TSGA10: variants seen among roughly 807,000 people sequenced by gnomAD.
TSGA10 encodes the protein testis-specific gene 10 protein.
TSGA10 carries 43 observed loss-of-function variants against 96.6 expected under a neutral mutation model. That is an observed-to-expected ratio of 0.44 (90% CI 0.35 to 0.57). The LOEUF (loss-of-function observed/expected upper bound fraction) is 0.57, where lower values mean the gene tolerates loss of function less well. Among genes scored for constraint, TSGA10 ranks in the 20% least tolerant of loss-of-function variants. The probability of loss-of-function intolerance (pLI) is 0.01; values close to 1 mark genes in which losing one functional copy is unlikely to be tolerated. For synonymous variants in TSGA10, 229 were observed against 269.9 expected (o/e 0.85, Z 1.48); for missense variants, 703 against 834.4 (o/e 0.84, Z 1.94).
intron 1 of TSGA10, chr2:99,154,423 A>T (rs1249131174): frequency 6.5e-6 from 1 of 152,758 alleles, no homozygotes; most frequent in Non-Finnish European, 1.5e-5. Context: ...ATCCTGTATT[A>T]TCATCTGCGA....
chr2:99,010,294 G>T (rs2078896124), intron 20 of TSGA10, among the ~76,000 whole-genome samples: 1 of 152,160 alleles, frequency 6.6e-6, no homozygotes, highest in Non-Finnish European at 1.5e-5. Context: ...GACTCATATT[G>T]TGATCTTTTG....
chr2:99,144,485 G>A (rs2093611554), intron 1 of TSGA10, among the ~76,000 whole-genome samples: 1 of 151,174 alleles, frequency 6.6e-6, no homozygotes, highest in Non-Finnish European at 1.5e-5. Flanking sequence ...TGTGTTTTGT[G>A]TTTTGATGCT....
At chr2:99,145,468 G>C (rs1415196686) in intron 1 of TSGA10, among the ~76,000 whole-genome samples, 4 of 151,428 alleles carry the variant, frequency 2.6e-5, no homozygotes, top group African/African-American at 4.9e-5. Context: ...TGAGGCACGA[G>C]AATCACTTGA....
At chr2:99,108,030 C>G (rs1368133327) in intron 7 of TSGA10, among the ~76,000 whole-genome samples, 2 of 152,148 alleles carry the variant, frequency 1.3e-5, no homozygotes, top group Non-Finnish European at 2.9e-5. Flanking sequence ...TAGCCCCTTT[C>G]AGGGTAATAG....
rs917277193 is a variant in TSGA10 at position 99,118,656 on chromosome 2, G to C, written c.-461C>G. 1.3e-5 allele frequency: 13 copies of C among 984,254 alleles called. No individual in the cohort carries two copies. The African/African-American group carries it at 2.3e-4, about 17-fold the overall frequency. The allele number at this position is 984,254 out of a possible 1,614,324, so 61.0% of individuals were successfully genotyped here. A position where few individuals can be genotyped will look rare whatever the true frequency, so the allele number is the denominator to read the frequency against. ...CAAACCATCAATGGATGAAGAAAAG[G>C]GCCTTTTCTATCACAAAGGTATCCA... On this transcript the variant is annotated 5_prime_UTR_variant, in exon 3 of 21. Transcript: ENST00000393483.
At chr2:99,111,543 T>C (rs1559051917) in intron 4 of TSGA10, among the ~76,000 whole-genome samples, 1 of 152,274 alleles carries the variant, frequency 6.6e-6, no homozygotes, top group East Asian at 1.9e-4. Flanking sequence ...CTAAACTGCA[T>C]CCTGATCTTG....
intron 16 of TSGA10, among the ~76,000 whole-genome samples, chr2:99,037,137 C>T (rs2081702935): frequency 6.6e-6 from 1 of 152,282 alleles, no homozygotes; most frequent in Admixed American, 6.5e-5. Context: ...ACAGCGTTAT[C>T]AATCAATTGG....
chr2:99,061,170 T>C (rs192749680), intron 16 of TSGA10, among the ~76,000 whole-genome samples: 18 of 152,246 alleles, frequency 1.2e-4, no homozygotes, highest in Admixed American at 8.5e-4. Flanking sequence ...TCAAAAAATA[T>C]CTACAATTTA....
intron 12 of TSGA10, among the ~76,000 whole-genome samples, chr2:99,073,546 T>C (rs1361439285): frequency 3.3e-5 from 5 of 152,218 alleles, no homozygotes; most frequent in Non-Finnish European, 7.3e-5. Flanking sequence ...AAGTGTATTA[T>C]TTATATTAGC....
intron 20 of TSGA10, among the ~76,000 whole-genome samples, chr2:99,001,771 C>G (rs1256338499): frequency 6.6e-6 from 1 of 152,130 alleles, no homozygotes; most frequent in African/African-American, 2.4e-5. Context: ...CTAGAATAAA[C>G]AGCATAGAGA....
At chr2:99,141,015 G>A in intron 1 of TSGA10, 1 of 1,138,932 alleles carries the variant, frequency 8.8e-7, no homozygotes, top group African/African-American at 1.7e-5. Context: ...GCTTGCAGCC[G>A]CCTTCTCAGA....
intron 1 of TSGA10, among the ~76,000 whole-genome samples, chr2:99,127,667 A>C (rs1334067504): frequency 6.6e-6 from 1 of 151,830 alleles, no homozygotes; most frequent in Non-Finnish European, 1.5e-5. Context: ...ACGGCTCCTA[A>C]ATATTAAGAT....
intron 16 of TSGA10, among the ~76,000 whole-genome samples, chr2:99,041,502 G>C (rs1161712298): frequency 6.6e-6 from 1 of 152,142 alleles, no homozygotes; most frequent in Non-Finnish European, 1.5e-5. Context: ...CAATGGAACA[G>C]AATAGAGAAC....
chr2:99,117,118 T>G (rs1346667468), intron 4 of TSGA10: 1 of 152,236 alleles, frequency 6.6e-6, no homozygotes, highest in Non-Finnish European at 1.5e-5. Context: ...TATACCCGGC[T>G]GCGGTGTTGC....
intron 16 of TSGA10, among the ~76,000 whole-genome samples, chr2:99,037,975 C>T (rs371005531): frequency 6.6e-6 from 1 of 151,404 alleles, no homozygotes; most frequent in Non-Finnish European, 1.5e-5. Flanking sequence ...AGAAACCATA[C>T]AAGCTAGAAG....
intron 17 of TSGA10, among the ~76,000 whole-genome samples, chr2:99,021,268 T>C (rs1196612339): frequency 2.0e-5 from 3 of 151,902 alleles, no homozygotes; most frequent in African/African-American, 7.3e-5. Flanking sequence ...TTTTCTAAGC[T>C]AGATACAATG....
intron 16 of TSGA10, among the ~76,000 whole-genome samples, chr2:99,062,431 T>C (rs1193684523): frequency 1.3e-5 from 2 of 152,120 alleles, no homozygotes; most frequent in African/African-American, 2.4e-5. Context: ...CCCCTGCACA[T>C]TGGAAAGTTT....
At position 99,043,946 on chromosome 2, in the gene TSGA10, G is replaced by A. The variant is rs547657915; in HGVS notation, c.1405-8507C>T. 3.5e-3 allele frequency among the ~76,000 whole-genome samples: 539 copies of A among 152,188 alleles called. 2 individuals carry two copies. The highest frequency in any genetic ancestry group is 0.012 in the African/African-American group (514 of 41,522). Reference sequence around the variant, plus strand: ...AGCCAAACTAAGCTTCATAAGAGAAGGAGAAATAAAATCCTTCACAGACAA... The same window carrying A: ...AGCCAAACTAAGCTTCATAAGAGAAAGAGAAATAAAATCCTTCACAGACAA... On this transcript the variant is annotated intron_variant, in intron 16 of 20. Transcript: ENST00000393483.
At chr2:99,071,924 G>C (rs149619654) in intron 13 of TSGA10, 50 bp from the exon 14 acceptor site, 19,163 of 1,498,298 alleles carry the variant, frequency 0.013, 140 homozygotes, top group Middle Eastern at 0.014. Context: ...TACTGAAACA[G>C]AGCAACAAAT....
Sources: allele counts gnomAD v4.1 joint callset (sites outside exome capture counted in the v4.1 genomes callset), GRCh38; gene constraint gnomAD v4.1.1; transcripts MANE v1.5; gene names NCBI Gene and HGNC (gene_info 2026-07-23, HGNC 2026-07-21).